Variants in TRAPPC9 observed in about 807,000 individuals in gnomAD.
TRAPPC9 encodes the protein IKK2 binding protein.
In TRAPPC9, 83 loss-of-function variants were observed where a neutral mutation model predicts 124.0. That is an observed-to-expected ratio of 0.67 (90% CI 0.56 to 0.80). The LOEUF (loss-of-function observed/expected upper bound fraction) is 0.80, where lower values mean the gene tolerates loss of function less well. Among genes scored for constraint, TRAPPC9 ranks in the 30% least tolerant of loss-of-function variants. The pLI is 0.00. For synonymous variants in TRAPPC9, 638 were observed against 617.5 expected, an observed-to-expected ratio of 1.03 and a Z score of -0.49; for missense variants, 1,302 against 1,508.3, an observed-to-expected ratio of 0.86 and a Z score of 2.27.
intron 7 of TRAPPC9, among the ~76,000 whole-genome samples, chr8:140,372,665 A>C (rs1454129542): frequency 6.6e-6 from 1 of 152,164 alleles, no homozygotes; most frequent in African/African-American, 2.4e-5. Flanking sequence ...AAGCACTCAC[A>C]AATGGAATTA....
chr8:140,021,555 C>T (rs1839839140), intron 18 of TRAPPC9, among the ~76,000 whole-genome samples: 1 of 152,114 alleles, frequency 6.6e-6, no homozygotes, highest in African/African-American at 2.4e-5. Context: ...TTCATCACTC[C>T]TTTATATAGC....
chr8:139,976,434 C>T, intron 19 of TRAPPC9, among the ~76,000 whole-genome samples: 1 of 152,188 alleles, frequency 6.6e-6, no homozygotes, highest in East Asian at 1.9e-4. Context: ...TGTACTTCAT[C>T]AGCACCTACA....
chr8:139,758,231 C>T (rs1355079036), intron 21 of TRAPPC9, among the ~76,000 whole-genome samples: 1 of 152,194 alleles, frequency 6.6e-6, no homozygotes. Context: ...GGGGCTGGAG[C>T]AAATGCCAGG....
At chr8:139,868,200 G>A (rs1828670208) in intron 21 of TRAPPC9, among the ~76,000 whole-genome samples, 1 of 152,040 alleles carries the variant, frequency 6.6e-6, no homozygotes. Context: ...TTCTACTAGA[G>A]ATACAAAAAT....
chr8:140,427,082 C>T (rs144107153), intron 4 of TRAPPC9, among the ~76,000 whole-genome samples: 6,276 of 140,788 alleles, frequency 0.045, 453 homozygotes, highest in African/African-American at 0.15. Flanking sequence ...TGCGCCACCA[C>T]GACCGGCTAA....
In TRAPPC9 at chr8:140,297,069, G is replaced by A. The variant is rs116719863; in HGVS notation, c.1768+3400C>T. Among the ~76,000 whole-genome samples, 563 of 152,282 alleles carry A rather than the reference G, an allele frequency of 3.7e-3. 4 individuals are homozygous for A. Among genetic ancestry groups the A allele is most frequent in the African/African-American group, 0.011 (468 of 41,568 alleles). ...TTCCCACAGGAGGCCAGGAAACGAC[G>A]TCCCCAAAACACAGTGAGGACAGGA... On this transcript the variant is annotated intron_variant, in intron 11 of 22. Transcript: ENST00000438773.
chr8:139,747,943 C>T (rs367595629), intron 21 of TRAPPC9, among the ~76,000 whole-genome samples: 131 of 59,098 alleles, frequency 2.2e-3, no homozygotes, highest in South Asian at 3.6e-3. Context: ...GAGGGTGTCC[C>T]GGGGTCAGAG....
chr8:140,228,182 T>C, intron 16 of TRAPPC9, among the ~76,000 whole-genome samples: 1 of 152,210 alleles, frequency 6.6e-6, no homozygotes, highest in East Asian at 1.9e-4. Context: ...TTTACTCTCT[T>C]GTGAGAGGCA....
intron 19 of TRAPPC9, among the ~76,000 whole-genome samples, chr8:139,952,233 G>A (rs554003444): frequency 2.6e-5 from 4 of 152,264 alleles, no homozygotes; most frequent in Admixed American, 6.5e-5. Flanking sequence ...CAGACACTGC[G>A]TAAGGGGCTT....
At chr8:140,345,554 G>A (rs2067321062) in intron 9 of TRAPPC9, among the ~76,000 whole-genome samples, 1 of 152,202 alleles carries the variant, frequency 6.6e-6, no homozygotes, top group African/African-American at 2.4e-5. Context: ...TTGCTAGGAT[G>A]GCATTGTGAG....
At chr8:139,853,876 A>G (rs1409488287) in intron 21 of TRAPPC9, among the ~76,000 whole-genome samples, 1 of 152,244 alleles carries the variant, frequency 6.6e-6, no homozygotes, top group East Asian at 1.9e-4. Flanking sequence ...TGGGTTTTCT[A>G]ATTATTTGCA....
At chr8:139,828,359 C>T (rs1825773155) in intron 21 of TRAPPC9, among the ~76,000 whole-genome samples, 1 of 152,194 alleles carries the variant, frequency 6.6e-6, no homozygotes, top group South Asian at 2.1e-4. Flanking sequence ...CTTTTATGAT[C>T]TATTTGGCAT....
chr8:140,380,374 C>T (rs2132286332), intron 7 of TRAPPC9, among the ~76,000 whole-genome samples: 1 of 152,166 alleles, frequency 6.6e-6, no homozygotes, highest in Non-Finnish European at 1.5e-5. Context: ...TAAAGTTAGC[C>T]CTGGCATGGC....
chr8:139,867,575 T>A (rs377568049), intron 21 of TRAPPC9, among the ~76,000 whole-genome samples: 1 of 152,258 alleles, frequency 6.6e-6, no homozygotes. Context: ...AATGGTGAAA[T>A]AACCATCACC....
At chr8:140,090,819 C>T (rs1335242097) in intron 17 of TRAPPC9, among the ~76,000 whole-genome samples, 1 of 152,260 alleles carries the variant, frequency 6.6e-6, no homozygotes, top group African/African-American at 2.4e-5. Flanking sequence ...TCCCATGCAG[C>T]TGTTCATTGA....
intron 19 of TRAPPC9, among the ~76,000 whole-genome samples, chr8:139,977,955 A>G (rs1436092272): frequency 6.6e-6 from 1 of 152,134 alleles, no homozygotes; most frequent in Non-Finnish European, 1.5e-5. Context: ...TGCTGGGATT[A>G]TGGGTGTGAG....
At chr8:139,967,653 T>G (rs575067166) in intron 19 of TRAPPC9, among the ~76,000 whole-genome samples, 28 of 152,152 alleles carry the variant, frequency 1.8e-4, no homozygotes, top group African/African-American at 6.7e-4. Context: ...GCAGGTGACA[T>G]GGTGAGGAAA....
In TRAPPC9 at chr8:140,322,204, G is replaced by T. The variant is rs190247492; in HGVS notation, c.1496-10830C>A. On this transcript the variant is annotated intron_variant, in intron 9 of 22. Coordinates refer to ENST00000438773, the MANE Select transcript of TRAPPC9 (RefSeq NM_001160372.4). ...CAGTCTCAAAGCACAAAGATGGAAA[G>T]CTGGTGACTGGCTGCAAACCAAACT... Among the ~76,000 whole-genome samples the T allele has an allele frequency of 9.8e-5, 15 of 152,314 alleles. No homozygotes were observed. In the South Asian group the frequency reaches 1.2e-3, roughly 13 times the overall value.
intron 15 of TRAPPC9, among the ~76,000 whole-genome samples, chr8:140,265,266 A>G (rs1478691415): frequency 5.9e-5 from 9 of 152,198 alleles, no homozygotes; most frequent in Non-Finnish European, 1.0e-4. Context: ...TTCCAAGCAT[A>G]AGGTATGCTC....
Sources: gnomAD v4.1 joint callset for allele counts (sites outside exome capture counted in the v4.1 genomes callset) on GRCh38, gnomAD v4.1.1 for gene constraint, MANE v1.5 for transcripts, NCBI Gene and HGNC (gene_info 2026-07-23, HGNC 2026-07-21) for gene names.